Variants in CBLB observed in about 807,000 individuals in gnomAD.
CBLB encodes E3 ubiquitin-protein ligase CBL-B.
CBLB carries 31 observed loss-of-function variants against 104.9 expected under a neutral mutation model. The ratio of observed to expected loss-of-function variants is 0.30; its 90% CI spans 0.22 to 0.40. The LOEUF (loss-of-function observed/expected upper bound fraction) is 0.40. Among genes scored for constraint, CBLB ranks in the 10% least tolerant of loss-of-function variants. The probability of loss-of-function intolerance (pLI) is 1.00; values close to 1 mark genes in which losing one functional copy is unlikely to be tolerated. For missense variants in CBLB, 1,062 were observed against 1,214.6 expected, an observed-to-expected ratio of 0.87 and a Z score of 1.87; for synonymous variants, 440 against 422.6, an observed-to-expected ratio of 1.04 and a Z score of -0.51.
intron 3 of CBLB, among the ~76,000 whole-genome samples, chr3:105,814,668 C>T (rs1035613059): frequency 6.6e-6 from 1 of 152,090 alleles, no homozygotes; most frequent in Non-Finnish European, 1.5e-5. Context: ...GTTTAGGCTT[C>T]AATTATTTCT....
intron 18 of CBLB, among the ~76,000 whole-genome samples, chr3:105,663,338 C>T (rs1013358784): frequency 2.0e-5 from 3 of 152,160 alleles, no homozygotes; most frequent in African/African-American, 4.8e-5. Context: ...AAGGCAGCAG[C>T]CCTGAGCTTC....
intron 3 of CBLB, among the ~76,000 whole-genome samples, chr3:105,794,015 A>C (rs1398419282): frequency 2.0e-5 from 3 of 152,224 alleles, no homozygotes. Flanking sequence ...GAAAAGGCCA[A>C]GAGAAAAAGA....
intron 4 of CBLB, among the ~76,000 whole-genome samples, chr3:105,766,237 G>A (rs1328659372): frequency 6.6e-6 from 1 of 151,986 alleles, no homozygotes; most frequent in Non-Finnish European, 1.5e-5. Flanking sequence ...GCTTCTTATA[G>A]AAAAGCAAAA....
At chr3:105,785,334 T>C (rs910533590) in intron 3 of CBLB, among the ~76,000 whole-genome samples, 1 of 152,238 alleles carries the variant, frequency 6.6e-6, no homozygotes, top group Non-Finnish European at 1.5e-5. Flanking sequence ...AAACCCACTT[T>C]AACAGAGAAT....
intron 3 of CBLB, among the ~76,000 whole-genome samples, chr3:105,811,752 C>G (rs1421845922): frequency 1.3e-5 from 2 of 152,064 alleles, no homozygotes; most frequent in African/African-American, 4.8e-5. Flanking sequence ...TCTTGTTCTC[C>G]GGGCTGGAGT....
intron 3 of CBLB, among the ~76,000 whole-genome samples, chr3:105,802,710 C>T (rs558345811): frequency 6.3e-4 from 5 of 7,876 alleles, no homozygotes; most frequent in African/African-American, 7.2e-4. Flanking sequence ...ATCTGTACTT[C>T]AGGATACAAC....
intron 3 of CBLB, among the ~76,000 whole-genome samples, chr3:105,781,028 G>A (rs1165544277): frequency 6.6e-6 from 1 of 152,048 alleles, no homozygotes; most frequent in Admixed American, 6.6e-5. Context: ...TGTCAACACT[G>A]GCCAAACTGC....
At chr3:105,848,184 A>G (rs2090518125) in intron 3 of CBLB, among the ~76,000 whole-genome samples, 1 of 152,064 alleles carries the variant, frequency 6.6e-6, no homozygotes, top group African/African-American at 2.4e-5. Flanking sequence ...AGAACAAAAC[A>G]ACAGAGCACC....
At position 105,756,138 on chromosome 3, in the gene CBLB, T is replaced by C. The variant is rs186016339; in HGVS notation, c.567-4520A>G. Among the ~76,000 whole-genome samples, 3 of 152,280 alleles carry C rather than the reference T, an allele frequency of 2.0e-5. No individual in the cohort carries two copies. In the East Asian group the frequency reaches 5.8e-4, roughly 29 times the overall value. The stretch of plus-strand genomic sequence containing the variant: ...TCTAGTGTACTAAAAGAATAGAAGA[T>C]GTACTAAAACTTTTAAATGTATATA... On this transcript the variant is annotated intron_variant, in intron 4 of 18. Transcript: ENST00000394030.
At chr3:105,863,274 A>C (rs2092236747) in intron 2 of CBLB, among the ~76,000 whole-genome samples, 1 of 152,228 alleles carries the variant, frequency 6.6e-6, no homozygotes, top group African/African-American at 2.4e-5. Context: ...GGATCACTTC[A>C]TTTATCACAA....
chr3:105,804,348 G>A (rs1425048083), intron 3 of CBLB, among the ~76,000 whole-genome samples: 2 of 149,656 alleles, frequency 1.3e-5, no homozygotes, highest in African/African-American at 5.1e-5. Context: ...GTGAAACACC[G>A]TCTCTACCAA....
intron 3 of CBLB, among the ~76,000 whole-genome samples, chr3:105,818,631 T>C (rs1028943231): frequency 1.3e-5 from 2 of 152,156 alleles, no homozygotes; most frequent in East Asian, 1.9e-4. Flanking sequence ...TATATTATAA[T>C]GCAACTGTAT....
chr3:105,869,057 C>CG (rs1706719416), upstream of CBLB: 14 of 288,924 alleles, frequency 4.8e-5, no homozygotes, highest in Non-Finnish European at 8.4e-5. Context: ...CGGGGCGGGG[C>CG]GGGGCGGGGG....
chr3:105,770,638 C>T (rs1037285647), intron 4 of CBLB, among the ~76,000 whole-genome samples: 7 of 152,108 alleles, frequency 4.6e-5, no homozygotes, highest in Admixed American at 3.9e-4. Flanking sequence ...AAGTGTGCTG[C>T]AGACAGGAGC....
At chr3:105,776,331 C>G in intron 4 of CBLB, 65 bp downstream of exon 4, 1 of 1,399,562 alleles carries the variant, frequency 7.1e-7, no homozygotes, top group Non-Finnish European at 1.0e-6. Context: ...CCATATCCAA[C>G]TGGAGGGAGG....
Position 105,858,243 on chromosome 3 carries a change from C to G in CBLB, c.169-4579G>C, listed in dbSNP as rs192606293. On this transcript the variant is annotated intron_variant, in intron 2 of 18. Transcript: ENST00000394030. Reference sequence around the variant, plus strand: ...TCATCAGTTGGATTACTATTAAACCCTGTGATTTATGACAGCTTCTGCCAA... The same window carrying G: ...TCATCAGTTGGATTACTATTAAACCGTGTGATTTATGACAGCTTCTGCCAA... Among the ~76,000 whole-genome samples the G allele has an allele frequency of 3.3e-5, 5 of 152,278 alleles. No homozygotes were observed. The East Asian group carries it at 9.6e-4, about 29-fold the overall frequency.
At chr3:105,759,491 A>C (rs1481532512) in intron 4 of CBLB, among the ~76,000 whole-genome samples, 1 of 152,074 alleles carries the variant, frequency 6.6e-6, no homozygotes, top group Non-Finnish European at 1.5e-5. Flanking sequence ...GTTTCTGTGG[A>C]GGGTCACCTG....
chr3:105,765,136 A>T (rs970181631), intron 4 of CBLB, among the ~76,000 whole-genome samples: 3 of 152,172 alleles, frequency 2.0e-5, no homozygotes, highest in Non-Finnish European at 4.4e-5. Context: ...ATGTGGCTAC[A>T]CAAAACAACA....
chr3:105,857,341 C>T (rs1330531433), intron 2 of CBLB, among the ~76,000 whole-genome samples: 1 of 152,150 alleles, frequency 6.6e-6, no homozygotes, highest in African/African-American at 2.4e-5. Flanking sequence ...ATGCCAGGTA[C>T]TGAGCTTAGA....
Sources: gnomAD v4.1 joint callset for allele counts (sites outside exome capture counted in the v4.1 genomes callset) on GRCh38, gnomAD v4.1.1 for gene constraint, MANE v1.5 for transcripts, NCBI Gene and HGNC (gene_info 2026-07-23, HGNC 2026-07-21) for gene names.